The following PCDHA7 variants were observed in gnomAD, a reference collection of about 807,000 sequenced individuals.
The protein encoded by PCDHA7 is protocadherin alpha-7.
In PCDHA7, 37 loss-of-function variants were observed where a neutral mutation model predicts 57.2. That is an observed-to-expected ratio of 0.65 (90% confidence interval 0.50 to 0.85). PCDHA7 has a LOEUF of 0.85. Among genes scored for constraint, PCDHA7 ranks in the 40% least tolerant of loss-of-function variants. The pLI, the probability that PCDHA7 is intolerant of heterozygous loss-of-function variation, is 0.00. For synonymous variants in PCDHA7, 553 were observed against 558.8 expected (o/e 0.99, Z 0.15); for missense variants, 1,188 against 1,241.8 (o/e 0.96, Z 0.65).
intron 1 of PCDHA7, among the ~76,000 whole-genome samples, chr5:140,946,108 T>C (rs782062288): frequency 2.0e-5 from 3 of 151,938 alleles, no homozygotes; most frequent in Non-Finnish European, 4.4e-5. Context: ...ATACCAAATA[T>C]ATAAGGAACT....
chr5:140,842,542 G>A (rs1432404802), intron 1 of PCDHA7: 6 of 1,608,260 alleles, frequency 3.7e-6, no homozygotes, highest in African/African-American at 1.3e-5. Flanking sequence ...ACTACTCGTT[G>A]GTGCTGGACA....
intron 1 of PCDHA7, among the ~76,000 whole-genome samples, chr5:140,922,947 C>A (rs533564361): frequency 6.6e-6 from 1 of 152,178 alleles, no homozygotes; most frequent in South Asian, 2.1e-4. Context: ...AATGGAAATC[C>A]AGTTTGTCTT....
intron 1 of PCDHA7, chr5:140,884,367 T>G (rs2060126363): frequency 1.2e-6 from 2 of 1,613,928 alleles, no homozygotes; most frequent in Middle Eastern, 3.3e-4. Context: ...AATGTTTACT[T>G]GATCATTGCC....
At chr5:140,917,224 G>T (rs142866496) in intron 1 of PCDHA7, among the ~76,000 whole-genome samples, 1 of 150,920 alleles carries the variant, frequency 6.6e-6, no homozygotes, top group African/African-American at 2.4e-5. Flanking sequence ...TTAGTGATAC[G>T]TTGTTAAATC....
intron 1 of PCDHA7, chr5:140,850,445 G>A: frequency 6.3e-7 from 1 of 1,597,998 alleles, no homozygotes; most frequent in Non-Finnish European, 8.6e-7. Context: ...TACTGGTGCT[G>A]GTGAAAGACC....
rs2153691387 is a variant in PCDHA7, at chr5:140,951,014, G to C, written c.2356-27935G>C. Among the ~76,000 whole-genome samples the C allele has an allele frequency of 1.3e-5, 2 of 151,872 alleles. 1 individual carries two copies. Among genetic ancestry groups the C allele is most frequent in the Middle Eastern group, 6.8e-3 (2 of 294 alleles). On this transcript the variant is annotated intron_variant, in intron 1 of 3. Coordinates refer to ENST00000525929, the MANE Select transcript of PCDHA7 (RefSeq NM_018910.3). The stretch of plus-strand genomic sequence containing the variant: ...TTAGCTCCATTTTTCCCAAGATCAG[G>C]CAGTGAGTTTTAATTTCAAATATTA...
At chr5:140,869,083 T>C in intron 1 of PCDHA7, 1 of 1,582,990 alleles carries the variant, frequency 6.3e-7, no homozygotes, top group Non-Finnish European at 8.6e-7. Flanking sequence ...AAGCTTATTT[T>C]GGAAGCCAAT....
Position 141,010,222 on chromosome 5 carries a change from C to T in PCDHA7, c.*285C>T. 6.4e-7 allele frequency: 1 copy of T among 1,551,730 alleles called. No homozygotes were observed. The highest frequency in any genetic ancestry group is 2.4e-5 in the East Asian group (1 of 40,912). ...CCTCCGCCGCAAAGGAGAGGCTTCC[C>T]AGCCCCGCCAGTGAGAGGTTGGACT... On this transcript the variant is annotated 3_prime_UTR_variant, in exon 4 of 4. Transcript: ENST00000525929.
At chr5:140,987,588 A>G (rs1479484790) in intron 3 of PCDHA7, among the ~76,000 whole-genome samples, 1 of 152,220 alleles carries the variant, frequency 6.6e-6, no homozygotes, top group Non-Finnish European at 1.5e-5. Flanking sequence ...TGGGGAGAAT[A>G]GTGGTGTCTA....
rs1465056587 is a variant in PCDHA7, at chr5:140,851,176, T to G, written c.2355+14438T>G. The G allele has an allele frequency of 9.5e-6, 12 of 1,259,426 alleles. 2 individuals carry two copies. Among genetic ancestry groups the G allele is most frequent in the Non-Finnish European group, 1.2e-5 (12 of 979,742 alleles). The allele number at this position is 1,259,426 out of a possible 1,614,324, so 78.0% of individuals were successfully genotyped here. A position where few individuals can be genotyped will look rare whatever the true frequency, so the allele number is the denominator to read the frequency against. Reference sequence around the variant, plus strand: ...TCTGATGCTATGCTGCCATAACACTTGAAAACCAATTTAGTTGTTAGTCAT... The same window carrying G: ...TCTGATGCTATGCTGCCATAACACTGGAAAACCAATTTAGTTGTTAGTCAT... On this transcript the variant is annotated intron_variant, in intron 1 of 3. Coordinates refer to ENST00000525929, the MANE Select transcript of PCDHA7 (RefSeq NM_018910.3).
chr5:140,928,940 A>G (rs2085663832), intron 1 of PCDHA7: 1 of 1,613,944 alleles, frequency 6.2e-7, no homozygotes. Flanking sequence ...CAGAACTTGT[A>G]TTTAGTAATT....
At position 140,835,547 on chromosome 5, in the gene PCDHA7, C is replaced by G. The variant is rs2150237870; in HGVS notation, c.1164C>G (p.Ser388=). 8.1e-6 allele frequency: 13 copies of G among 1,613,960 alleles called. No individual in the cohort carries two copies. Among genetic ancestry groups the G allele is most frequent in the South Asian group, 2.2e-5 (2 of 91,078 alleles). Reference sequence around the variant, plus strand: ...GAGTCAACGGACAGGTTACCTGCTCCCTGACGCCCCGCGTTCCCTTCAAGT... The same window carrying G: ...GAGTCAACGGACAGGTTACCTGCTCGCTGACGCCCCGCGTTCCCTTCAAGT... The part of the protein sequence containing the change: ...DFGVNGQVTC[S]LTPRVPFKLV... Residue 388 remains serine (S), a synonymous_variant, in exon 1 of 4, where the codon TCC becomes TCG. Transcript: ENST00000525929.
chr5:140,857,531 G>A, intron 1 of PCDHA7: 2 of 1,597,582 alleles, frequency 1.3e-6, no homozygotes, highest in East Asian at 2.2e-5. Context: ...CTCTCTGGTG[G>A]AGCGGCGGTT....
At chr5:140,873,653 C>A (rs2054406845) in intron 1 of PCDHA7, among the ~76,000 whole-genome samples, 1 of 152,104 alleles carries the variant, frequency 6.6e-6, no homozygotes, top group Non-Finnish European at 1.5e-5. Context: ...AACTACATAA[C>A]ACACTATTAT....
intron 1 of PCDHA7, chr5:140,884,136 G>A (rs371124724): frequency 1.2e-6 from 2 of 1,613,282 alleles, no homozygotes; most frequent in Non-Finnish European, 1.7e-6. Flanking sequence ...ATCCCGTTCC[G>A]CGTGGGGCTG....
chr5:140,975,591 G>A (rs1421434713), intron 1 of PCDHA7, among the ~76,000 whole-genome samples: 1 of 152,198 alleles, frequency 6.6e-6, no homozygotes, highest in African/African-American at 2.4e-5. Flanking sequence ...GTCCCAGAGG[G>A]CAATTTGTTG....
At chr5:140,928,874 C>T (rs782794510) in intron 1 of PCDHA7, 1 of 1,614,194 alleles carries the variant, frequency 6.2e-7, no homozygotes, top group Admixed American at 1.7e-5. Context: ...AACTCTGTCC[C>T]TCAGTTACTT....
Position 140,836,055 on chromosome 5 carries a change from G to A in PCDHA7, c.1672G>A (p.Glu558Lys). Residue 558 changes from glutamate to lysine, a missense_variant, in exon 1 of 4, where the codon GAG (glutamate) becomes AAG (lysine). Around this residue, in one of 3 missense-constraint regions of PCDHA7, gnomAD observed 892 missense variants for 788.5 expected, o/e 1.13. Coordinates refer to ENST00000525929, the MANE Select transcript of PCDHA7 (RefSeq NM_018910.3). ...NVTLQVFVLD[E>K]NDNAPALLAP... is the part of the protein sequence containing the mutation. ...GACGCTGCAGGTGTTCGTGCTGGAC[G>A]AGAACGACAACGCGCCGGCACTGCT... is the stretch of plus-strand genomic sequence containing the variant. The A allele has an allele frequency of 5.6e-6, 9 of 1,613,604 alleles. No homozygotes were observed. The highest frequency in any genetic ancestry group is 7.6e-6 in the Non-Finnish European group (9 of 1,179,760).
intron 1 of PCDHA7, chr5:140,856,380 G>T: frequency 6.3e-7 from 1 of 1,598,530 alleles, no homozygotes; most frequent in Non-Finnish European, 8.6e-7. Flanking sequence ...ATCGTGGACA[G>T]GCCGCTGCAG....
Sources: gnomAD v4.1 joint callset for allele counts (sites outside exome capture counted in the v4.1 genomes callset) on GRCh38, gnomAD v4.1.1 for gene constraint, gnomAD v4.1.1 regional missense constraint, MANE v1.5 for transcripts, NCBI Gene and HGNC (gene_info 2026-07-23, HGNC 2026-07-21) for gene names.